The following SUCLG2 variants were observed in gnomAD, a reference collection of about 807,000 sequenced individuals.
The protein encoded by SUCLG2 is succinate--CoA ligase [GDP-forming] subunit beta, mitochondrial.
In SUCLG2, 42 loss-of-function variants were observed where a neutral mutation model predicts 47.9. The ratio of observed to expected loss-of-function variants is 0.88; its 90% CI spans 0.69 to 1.14. SUCLG2 has a LOEUF of 1.14. Among genes scored for constraint, SUCLG2 ranks in the 50% most tolerant of loss-of-function variants. SUCLG2 has a pLI of 0.00. For missense variants in SUCLG2, 571 were observed against 525.9 expected (o/e 1.09, Z -0.84); for synonymous variants, 195 against 197.3 (o/e 0.99, Z 0.10).
chr3:67,538,810 C>T lies in SUCLG2; in HGVS notation c.227-9624G>A, dbSNP rs529444065. 1.5e-4 allele frequency among the ~76,000 whole-genome samples: 23 copies of T among 152,202 alleles called. No individual in the cohort carries two copies. The East Asian group carries it at 4.2e-3, about 28-fold the overall frequency. ...GTTGTATATCTAGGTATTTTATTCC[C>T]TTTGTAGCAATTGTGAATGTGAGTT... On this transcript the variant is annotated intron_variant, in intron 2 of 10. Coordinates refer to ENST00000307227, the MANE Select transcript of SUCLG2 (RefSeq NM_003848.4).
chr3:67,391,784 G>C (rs964894274), intron 10 of SUCLG2, among the ~76,000 whole-genome samples: 2 of 152,184 alleles, frequency 1.3e-5, no homozygotes, highest in Non-Finnish European at 2.9e-5. Flanking sequence ...TTCTGTGTCT[G>C]ATGATGTCCC....
chr3:67,590,228 T>A (rs944155541), intron 2 of SUCLG2, among the ~76,000 whole-genome samples: 5 of 152,196 alleles, frequency 3.3e-5, no homozygotes, highest in Admixed American at 6.5e-5. Context: ...AACATAATTT[T>A]AAAATATTTC....
chr3:67,545,097 G>C (rs1230660239), intron 2 of SUCLG2, among the ~76,000 whole-genome samples: 1 of 152,084 alleles, frequency 6.6e-6, no homozygotes, highest in African/African-American at 2.4e-5. Flanking sequence ...AGTTCCTCAA[G>C]GGGTCAGTGA....
intron 7 of SUCLG2, among the ~76,000 whole-genome samples, chr3:67,505,466 T>C (rs889080183): frequency 3.9e-5 from 6 of 152,300 alleles, no homozygotes; most frequent in African/African-American, 7.2e-5. Flanking sequence ...ATTAATCACA[T>C]AGGAAAAAAG....
chr3:67,647,788 C>T (rs1231053829), intron 1 of SUCLG2, among the ~76,000 whole-genome samples: 3 of 152,166 alleles, frequency 2.0e-5, no homozygotes, highest in Non-Finnish European at 2.9e-5. Flanking sequence ...ATAATCAGAG[C>T]CCGGGAGGCA....
At chr3:67,516,039 G>C (rs1024723191) in intron 6 of SUCLG2, among the ~76,000 whole-genome samples, 1 of 151,726 alleles carries the variant, frequency 6.6e-6, no homozygotes, top group African/African-American at 2.4e-5. Context: ...GATATCTACC[G>C]GTCTGTGAGC....
chr3:67,563,959 CAAAAA>C (rs756674869), intron 2 of SUCLG2, among the ~76,000 whole-genome samples: 8 of 78,186 alleles, frequency 1.0e-4, no homozygotes, highest in East Asian at 2.6e-4. Flanking sequence ...GACTCTGTCT[CAAAAA>C]AAAAAAAAAA....
At chr3:67,372,791 C>G (rs995102005), downstream of SUCLG2, among the ~76,000 whole-genome samples, 5 of 152,142 alleles carry the variant, frequency 3.3e-5, no homozygotes, top group African/African-American at 1.2e-4. Flanking sequence ...GAAAACAATA[C>G]TCCGTTGCTG....
intron 7 of SUCLG2, among the ~76,000 whole-genome samples, chr3:67,504,351 C>T (rs933890247): frequency 2.6e-5 from 4 of 152,140 alleles, no homozygotes; most frequent in African/African-American, 9.7e-5. Context: ...AACATGGGCA[C>T]TTGCTAACAA....
chr3:67,437,560 T>C (rs1350023942), intron 9 of SUCLG2, among the ~76,000 whole-genome samples: 2 of 152,182 alleles, frequency 1.3e-5, no homozygotes, highest in African/African-American at 4.8e-5. Context: ...TTACAGATGT[T>C]CTCATCCATA....
At chr3:67,495,302 G>A (rs1039552733) in intron 9 of SUCLG2, among the ~76,000 whole-genome samples, 1 of 152,068 alleles carries the variant, frequency 6.6e-6, no homozygotes, top group African/African-American at 2.4e-5. Context: ...TCTGAAATAA[G>A]ATCCCAAGCC....
chr3:67,426,823 G>A (rs1237174483), intron 9 of SUCLG2, among the ~76,000 whole-genome samples: 5 of 152,106 alleles, frequency 3.3e-5, no homozygotes. Context: ...AACTACCTGG[G>A]AGGCTGAGGA....
At chr3:67,361,300 C>T (rs1181572728) in intron 10 of SUCLG2, among the ~76,000 whole-genome samples, 2 of 152,160 alleles carry the variant, frequency 1.3e-5, no homozygotes, top group Admixed American at 1.3e-4. Flanking sequence ...GAGTAGTTGA[C>T]AGCTTAGTTA....
chr3:67,506,260 C>T (rs1453797140), intron 7 of SUCLG2, among the ~76,000 whole-genome samples: 2 of 152,128 alleles, frequency 1.3e-5, no homozygotes, highest in Non-Finnish European at 2.9e-5. Flanking sequence ...TCAATTTGTA[C>T]ATTTGGTCAT....
In SUCLG2 at chr3:67,446,370, A is replaced by G. The variant is rs1350764154; in HGVS notation, c.1063-45519T>C. Reference sequence around the variant, plus strand: ...ATTTGTATATAAAAAAAAAAAAAAAAAAAAAGAAATTAGATCTCTCCGGTA... The same window carrying G: ...ATTTGTATATAAAAAAAAAAAAAAAGAAAAAGAAATTAGATCTCTCCGGTA... On this transcript the variant is annotated intron_variant, in intron 9 of 10. Transcript: ENST00000307227. 1.0e-4 allele frequency among the ~76,000 whole-genome samples: 15 copies of G among 146,702 alleles called. 5 individuals are homozygous for G. The highest frequency in any genetic ancestry group is 3.8e-4 in the African/African-American group (15 of 39,578).
intron 7 of SUCLG2, among the ~76,000 whole-genome samples, chr3:67,504,037 T>C (rs1402633562): frequency 6.6e-6 from 1 of 152,190 alleles, no homozygotes; most frequent in Non-Finnish European, 1.5e-5. Flanking sequence ...CATAATTAGT[T>C]TGAAAAATAA....
In SUCLG2 at chr3:67,504,593, G is replaced by C. The variant is rs974031588; in HGVS notation, c.757+4214C>G. Among the ~76,000 whole-genome samples, 3 of 152,196 alleles carry C rather than the reference G, an allele frequency of 2.0e-5. No individual in the cohort carries two copies. In the East Asian group the frequency reaches 5.8e-4, roughly 29 times the overall value. ...TCTAGACTATGGACAGATTGGGTGA[G>C]GTCGTTCTCTGTGAACAGGGACCAT... is the stretch of plus-strand genomic sequence containing the variant. On this transcript the variant is annotated intron_variant, in intron 7 of 10. Transcript: ENST00000307227.
At chr3:67,456,419 A>G (rs749541481) in intron 9 of SUCLG2, among the ~76,000 whole-genome samples, 2 of 152,216 alleles carry the variant, frequency 1.3e-5, no homozygotes, top group African/African-American at 2.4e-5. Flanking sequence ...ATGTTTGTCT[A>G]TTCAATCCCG....
At chr3:67,371,554 T>C (rs187154164), downstream of SUCLG2, among the ~76,000 whole-genome samples, 40 of 152,302 alleles carry the variant, frequency 2.6e-4, no homozygotes, top group East Asian at 7.5e-3. Context: ...GGCCCTTGCC[T>C]TATGCCTTGT....
Sources: allele counts gnomAD v4.1 joint callset (sites outside exome capture counted in the v4.1 genomes callset), GRCh38; gene constraint gnomAD v4.1.1; transcripts MANE v1.5; gene names NCBI Gene and HGNC (gene_info 2026-07-23, HGNC 2026-07-21).